Variants in CACNA2D4 observed in about 807,000 individuals in gnomAD.
CACNA2D4 encodes voltage-dependent calcium channel subunit alpha-2/delta-4.
A neutral mutation model predicts 163.8 loss-of-function variants in CACNA2D4; 157 were observed. The observed-to-expected ratio is 0.96, with a 90% CI of 0.84 to 1.09. The LOEUF is 1.09. Ranked by LOEUF, CACNA2D4 falls within the 50% of genes least tolerant of loss-of-function variation. The pLI is 0.00. For synonymous variants in CACNA2D4, 598 were observed against 586.9 expected (o/e 1.02, Z -0.27); for missense variants, 1,410 against 1,479.9 (o/e 0.95, Z 0.78).
In CACNA2D4 at chr12:1,834,735, C is replaced by A. The variant is rs751381663; in HGVS notation, c.2551+6004G>T. On this transcript the variant is annotated intron_variant, in intron 26 of 37. Coordinates refer to ENST00000382722, the MANE Select transcript of CACNA2D4 (RefSeq NM_172364.5). The surrounding 1 kb of genome is among the most constrained non-coding windows in gnomAD (Gnocchi z 7.6). ...TCTGTGGCCTGAGCGCCCATCCCCA[C>A]CCGGCCAGGTAGGAAGGGCGGGGAG... The A allele has an allele frequency of 6.4e-7, 1 of 1,573,328 alleles. No individual in the cohort carries two copies. The highest frequency in any genetic ancestry group is 1.1e-5 in the South Asian group (1 of 87,768).
chr12:1,858,476 G>T, intron 20 of CACNA2D4, 101 bp downstream of exon 20: 1 of 991,844 alleles, frequency 1.0e-6, no homozygotes, highest in Non-Finnish European at 1.6e-6. Context: ...GGAGCTGGGA[G>T]GCTGTCACAC....
rs1178787841 is a variant in CACNA2D4 at position 1,890,080 on chromosome 12, T to G, written c.782-3011A>C. ...TTGCTCAATGCAATGAAAGGATAAG[T>G]GAGAGACCCCCAGCAGTCCACATTC... On this transcript the variant is annotated intron_variant, in intron 6 of 37. Transcript: ENST00000382722. Among the ~76,000 whole-genome samples, 3 of 152,124 alleles carry G rather than the reference T, an allele frequency of 2.0e-5. No individual in the cohort carries two copies. In the East Asian group the frequency reaches 5.8e-4, roughly 29 times the overall value.
chr12:1,854,050 T>G lies in CACNA2D4; in HGVS notation c.2153-6A>C. The G allele has an allele frequency of 6.2e-7, 1 of 1,604,082 alleles. No homozygotes were observed. The highest frequency in any genetic ancestry group is 8.5e-7 in the Non-Finnish European group (1 of 1,174,304). On this transcript the variant is annotated splice_region_variant and splice_polypyrimidine_tract_variant and intron_variant, in intron 22 of 37. Coordinates refer to ENST00000382722, the MANE Select transcript of CACNA2D4 (RefSeq NM_172364.5). ...CCGGACCAGCTCCTCGTCACCTGGG[T>G]GCAAAACATCAGGGAACCAGGCCAC...
intron 25 of CACNA2D4, among the ~76,000 whole-genome samples, chr12:1,841,946 G>A (rs1017315865): frequency 6.6e-6 from 1 of 152,166 alleles, no homozygotes; most frequent in African/African-American, 2.4e-5. Flanking sequence ...ATGACGAAGG[G>A]ACAATTCCCC....
rs1427928366 is a variant in CACNA2D4, at chr12:1,843,141, T to C, written c.2470+1261A>G. ...AAATTGTTTTGTGAAGCATAGTAGTTATTTGCACGTGTGTGGAGGGAACAG... is the reference window on the plus strand; with the variant it reads ...AAATTGTTTTGTGAAGCATAGTAGTCATTTGCACGTGTGTGGAGGGAACAG... On this transcript the variant is annotated intron_variant, in intron 25 of 37. Coordinates refer to ENST00000382722, the MANE Select transcript of CACNA2D4 (RefSeq NM_172364.5). This position sits in a 1 kb window ranked among gnomAD's most constrained non-coding sequence, Gnocchi z 4.6. 6.6e-6 allele frequency among the ~76,000 whole-genome samples: 1 copy of C among 152,108 alleles called. No homozygotes were observed. The highest frequency in any genetic ancestry group is 1.5e-5 in the Non-Finnish European group (1 of 68,010).
chr12:1,845,001 G>A (rs1373201480), intron 24 of CACNA2D4, among the ~76,000 whole-genome samples: 1 of 151,392 alleles, frequency 6.6e-6, no homozygotes, highest in Non-Finnish European at 1.5e-5. Flanking sequence ...TGCTAATTAT[G>A]GTTTTGCATT....
At chr12:1,907,732 G>A (rs1240223400) in intron 5 of CACNA2D4, 143 bp downstream of exon 5, 4 of 1,198,214 alleles carry the variant, frequency 3.3e-6, no homozygotes, top group Non-Finnish European at 4.7e-6. Flanking sequence ...CCTGGTGGGC[G>A]TGCCTGGTGG....
rs974636653 is a variant in CACNA2D4, at chr12:1,869,010, A to AT, written c.1878+5593dup. Among the ~76,000 whole-genome samples the AT allele has an allele frequency of 2.6e-4, 40 of 152,148 alleles. No individual in the cohort carries two copies. Among genetic ancestry groups the AT allele is most frequent in the Non-Finnish European group, 4.7e-4 (32 of 68,022 alleles). On this transcript the variant is annotated intron_variant, in intron 18 of 37. Transcript: ENST00000382722. The surrounding 1 kb of genome is among the most constrained non-coding windows in gnomAD (Gnocchi z 4.7). ...ATAGAAGGGACTGGGGCATCCATGG[A>AT]TTTTGGTATCTTTGGGGTGTCCTGG...
intron 26 of CACNA2D4, among the ~76,000 whole-genome samples, chr12:1,818,992 T>TA (rs1016146414): frequency 1.0e-5 from 1 of 100,314 alleles, no homozygotes. Context: ...CAATAAATAC[T>TA]AAAAAAATTA....
chr12:1,877,501 A>T (rs1301477130), intron 16 of CACNA2D4, among the ~76,000 whole-genome samples: 4 of 152,218 alleles, frequency 2.6e-5, no homozygotes, highest in African/African-American at 9.7e-5. Flanking sequence ...TGCCTTAAAT[A>T]GTTAATCATT....
Position 1,915,573 on chromosome 12 carries a change from G to A in CACNA2D4, c.228-638C>T, listed in dbSNP as rs7311266. Reference sequence around the variant, plus strand: ...ACCCTCTGTTGAAACCTCAGAGAACGCGTGAGGCAAGGGCACAGCAGGAAA... The same window carrying A: ...ACCCTCTGTTGAAACCTCAGAGAACACGTGAGGCAAGGGCACAGCAGGAAA... On this transcript the variant is annotated intron_variant, in intron 1 of 37. Transcript: ENST00000382722. 6.6e-3 allele frequency among the ~76,000 whole-genome samples: 1,008 copies of A among 152,348 alleles called. 14 individuals are homozygous for A. The highest frequency in any genetic ancestry group is 0.023 in the African/African-American group (955 of 41,592).
Position 1,907,888 on chromosome 12 carries a change from G to T in CACNA2D4, c.636C>A (p.Asn212Lys), listed in dbSNP as rs372591570. The T allele has an allele frequency of 2.5e-6, 4 of 1,614,014 alleles. No homozygotes were observed. The highest frequency in any genetic ancestry group is 3.4e-6 in the Non-Finnish European group (4 of 1,179,874). ...TSISSVQLPT[N>K]VYNKDPDILN... ...CGTGCCGGCTACCTTTGTTGTACAC[G>T]TTGGTGGGCAGCTGCACGCTGCTGA... The change falls in exon 5 of 38, where the codon AAC (asparagine) becomes AAA (lysine). Residue 212 changes from asparagine (N) to lysine (K), a missense_variant. By Grantham distance (94) the Asn-to-Lys change is moderately conservative. Coordinates refer to ENST00000382722, the MANE Select transcript of CACNA2D4 (RefSeq NM_172364.5).
At position 1,882,885 on chromosome 12, in the gene CACNA2D4, C is replaced by T; in HGVS notation, c.1467G>A (p.Glu489=). 2 of 1,613,854 alleles carry T rather than the reference C, an allele frequency of 1.2e-6. No homozygotes were observed. Among genetic ancestry groups the T allele is most frequent in the Non-Finnish European group, 1.7e-6 (2 of 1,179,838 alleles). The change falls in exon 13 of 38, where the codon GAG becomes GAA. Residue 489 remains glutamate (E), a synonymous_variant. Transcript: ENST00000382722. The part of the protein sequence containing the change: ...INHDHDIIWT[E]AYMDSKLLSS... ...GGCTCACCTTGCTGTCCATGTAGGC[C>T]TCTGTCCAGATGATGTCGTGGTCGT...
At chr12:1,849,295 A>AT (rs1358039969) in intron 23 of CACNA2D4, among the ~76,000 whole-genome samples, 1 of 152,226 alleles carries the variant, frequency 6.6e-6, no homozygotes, top group Non-Finnish European at 1.5e-5. Context: ...AACTTCTCTG[A>AT]TTTTTGAAAT....
At chr12:1,887,752 G>T (rs1253550336) in intron 6 of CACNA2D4, among the ~76,000 whole-genome samples, 1 of 152,154 alleles carries the variant, frequency 6.6e-6, no homozygotes. Context: ...ATAGAATCTC[G>T]ATTTGAAAAG....
At position 1,917,837 on chromosome 12, in the gene CACNA2D4, G is replaced by A. The variant is rs117716648; in HGVS notation, c.227+410C>T. 0.013 allele frequency: 2,486 copies of A among 193,206 alleles called. 34 individuals are homozygous for A. Among genetic ancestry groups the A allele is most frequent in the South Asian group, 0.029 (335 of 11,444 alleles). 12.0% of individuals were successfully genotyped at this position (193,206 alleles called of 1,614,324 possible). A position where few individuals can be genotyped will look rare whatever the true frequency, so the allele number is the denominator to read the frequency against. On this transcript the variant is annotated intron_variant, in intron 1 of 37. Transcript: ENST00000382722. This position sits in a 1 kb window ranked among gnomAD's most constrained non-coding sequence, Gnocchi z 4.3. ...TCCCCTTTTTGGAATGTCAAAATAC[G>A]CATTTCCTGCCAAATGCTTCGGGGA...
At chr12:1,808,166 C>T (rs1863601388) in intron 29 of CACNA2D4, among the ~76,000 whole-genome samples, 1 of 152,004 alleles carries the variant, frequency 6.6e-6, no homozygotes, top group African/African-American at 2.4e-5. Context: ...CTGGAGGGAC[C>T]CTGGAGAGGC....
intron 9 of CACNA2D4, 151 bp downstream of exon 9, chr12:1,885,814 T>C (rs1158675868): frequency 4.7e-6 from 3 of 637,584 alleles, no homozygotes; most frequent in Admixed American, 5.5e-5. Flanking sequence ...GGCGGTTCCC[T>C]GGGTTGTTTG....
At chr12:1,824,125 C>T (rs1453903478) in intron 26 of CACNA2D4, among the ~76,000 whole-genome samples, 5 of 152,106 alleles carry the variant, frequency 3.3e-5, no homozygotes, top group Non-Finnish European at 1.5e-5. Flanking sequence ...TTTTTTTCTC[C>T]CCAGGTCCCA....
Sources: allele counts gnomAD v4.1 joint callset (sites outside exome capture counted in the v4.1 genomes callset), GRCh38; gene constraint gnomAD v4.1.1; non-coding constraint Gnocchi (gnomAD v3.1); transcripts MANE v1.5; gene names NCBI Gene and HGNC (gene_info 2026-07-23, HGNC 2026-07-21).